The following NUP98 variants were observed in gnomAD, a reference collection of about 807,000 sequenced individuals.
The protein encoded by NUP98 is nuclear pore complex protein Nup98-Nup96.
In NUP98, 26 loss-of-function variants were observed where a neutral mutation model predicts 191.9. The observed-to-expected ratio is 0.14, with a 90% confidence interval of 0.10 to 0.19. NUP98 has a LOEUF of 0.19. NUP98 is among the 10% of genes least tolerant of loss of function. The pLI is 1.00. For synonymous variants in NUP98, 808 were observed against 778.4 expected, an observed-to-expected ratio of 1.04 and a Z score of -0.63; for missense variants, 1,941 against 2,178.8, an observed-to-expected ratio of 0.89 and a Z score of 2.17.
At chr11:3,749,739 A>T (rs114232870) in intron 11 of NUP98, among the ~76,000 whole-genome samples, 1,517 of 147,632 alleles carry the variant, frequency 0.01, 27 homozygotes, top group African/African-American at 0.036. Context: ...AATGGCAAAT[A>T]AAAAAAAAAA....
intron 18 of NUP98, among the ~76,000 whole-genome samples, chr11:3,715,549 G>A (rs764414494): frequency 2.2e-4 from 33 of 151,846 alleles, no homozygotes; most frequent in Non-Finnish European, 4.4e-4. Context: ...TTGGTCATTT[G>A]TATATCTTTG....
In NUP98 at chr11:3,723,550, C is replaced by T. The variant is rs528337396; in HGVS notation, c.1848-95G>A. 15 of 998,636 alleles carry T rather than the reference C, an allele frequency of 1.5e-5. No homozygotes were observed. In the East Asian group the frequency reaches 3.7e-4, roughly 25 times the overall value. The allele number at this position is 998,636 out of a possible 1,614,324, so 61.9% of individuals were successfully genotyped here. A position where few individuals can be genotyped will look rare whatever the true frequency, so the allele number is the denominator to read the frequency against. The stretch of plus-strand genomic sequence containing the variant: ...CCGAGCCTTTACTAAGTGCCTGGCA[C>T]TGTTCTGGATAGTTCCATGTATTAA... On this transcript the variant is annotated intron_variant, in intron 15 of 32. Coordinates refer to ENST00000324932, the MANE Select transcript of NUP98 (RefSeq NM_016320.5).
At chr11:3,734,201 A>G (rs1272858771) in intron 13 of NUP98, among the ~76,000 whole-genome samples, 2 of 152,114 alleles carry the variant, frequency 1.3e-5, no homozygotes, top group African/African-American at 4.8e-5. Context: ...ATGCCCAGCT[A>G]ATTTTTGTAT....
chr11:3,782,655 T>C (rs1187689560), intron 1 of NUP98, among the ~76,000 whole-genome samples: 1 of 149,570 alleles, frequency 6.7e-6, no homozygotes, highest in African/African-American at 2.5e-5. Context: ...GTTATTCTCC[T>C]GCCTCAGTCT....
At chr11:3,794,024 C>T (rs938514947) in intron 1 of NUP98, among the ~76,000 whole-genome samples, 6 of 152,126 alleles carry the variant, frequency 3.9e-5, no homozygotes, top group African/African-American at 1.2e-4. Context: ...AAGTAGTAGT[C>T]TCAATCAAGG....
At chr11:3,717,404 T>C (rs1352157700) in intron 18 of NUP98, among the ~76,000 whole-genome samples, 2 of 152,212 alleles carry the variant, frequency 1.3e-5, no homozygotes, top group Admixed American at 6.5e-5. Context: ...AAACAAGTCA[T>C]TTACCTCCCT....
At chr11:3,701,051 C>T (rs2078661454) in intron 23 of NUP98, among the ~76,000 whole-genome samples, 1 of 152,124 alleles carries the variant, frequency 6.6e-6, no homozygotes, top group Non-Finnish European at 1.5e-5. Flanking sequence ...ATTCAGAACA[C>T]AAAGGCTTCT....
intron 8 of NUP98, among the ~76,000 whole-genome samples, chr11:3,766,816 A>T (rs1025805273): frequency 1.3e-5 from 2 of 152,082 alleles, no homozygotes; most frequent in Admixed American, 6.6e-5. Flanking sequence ...AAAAAGTGTC[A>T]AATGTTTTTT....
At chr11:3,741,231 T>A (rs2080276638) in intron 12 of NUP98, among the ~76,000 whole-genome samples, 1 of 152,088 alleles carries the variant, frequency 6.6e-6, no homozygotes, top group Non-Finnish European at 1.5e-5. Flanking sequence ...AAAAATTTTA[T>A]CCCAACTGAG....
At chr11:3,775,820 T>G (rs778872853) in intron 5 of NUP98, 62 bp downstream of exon 5, 12 of 1,524,378 alleles carry the variant, frequency 7.9e-6, no homozygotes, top group Non-Finnish European at 1.1e-5. Flanking sequence ...TTACAATTCA[T>G]CCTGCAAAGA....
At chr11:3,676,650 C>G in intron 31 of NUP98, 30 bp from the exon 32 acceptor site, 1 of 1,526,734 alleles carries the variant, frequency 6.5e-7, no homozygotes, top group Non-Finnish European at 9.1e-7. Context: ...CCAATTAATC[C>G]AAGGGGAGTT....
At chr11:3,749,648 A>T (rs1216720267) in intron 11 of NUP98, among the ~76,000 whole-genome samples, 1 of 152,040 alleles carries the variant, frequency 6.6e-6, no homozygotes, top group Admixed American at 6.6e-5. Context: ...ATAAAATATA[A>T]ATTAACAAGA....
intron 20 of NUP98, among the ~76,000 whole-genome samples, chr11:3,709,427 G>A (rs1006295385): frequency 2.0e-5 from 3 of 151,850 alleles, no homozygotes; most frequent in Non-Finnish European, 2.9e-5. Flanking sequence ...ATTTAGGCAG[G>A]GCGCTGTGGC....
At chr11:3,756,910 ACC>A (rs1469466268) in intron 10 of NUP98, among the ~76,000 whole-genome samples, 1 of 149,588 alleles carries the variant, frequency 6.7e-6, no homozygotes, top group African/African-American at 2.5e-5. Context: ...ACATGGTGAA[ACC>A]CCGTCTCTAT....
At chr11:3,774,744 C>T (rs1047869700) in intron 5 of NUP98, among the ~76,000 whole-genome samples, 4 of 151,886 alleles carry the variant, frequency 2.6e-5, no homozygotes, top group South Asian at 2.1e-4. Context: ...TGTTTTTCCC[C>T]GATAACATTA....
intron 10 of NUP98, among the ~76,000 whole-genome samples, chr11:3,756,723 GTT>G (rs1046884698): frequency 6.6e-6 from 1 of 151,954 alleles, no homozygotes; most frequent in African/African-American, 2.4e-5. Flanking sequence ...CACTCGGCTT[GTT>G]TTTGTTTTTT....
chr11:3,736,151 T>C lies in NUP98; in HGVS notation c.1409-827A>G, dbSNP rs113283966. Among the ~76,000 whole-genome samples the C allele has an allele frequency of 2.4e-3, 370 of 152,076 alleles. 1 individual carries two copies. The highest frequency in any genetic ancestry group is 3.8e-3 in the Non-Finnish European group (258 of 67,968). Reference sequence around the variant, plus strand: ...TTCGCCATGTTGCCCAGGCTGGTCTTGAACTCCTGAAATTGAACTATCTGC... The same window carrying C: ...TTCGCCATGTTGCCCAGGCTGGTCTCGAACTCCTGAAATTGAACTATCTGC... On this transcript the variant is annotated intron_variant, in intron 12 of 32. Transcript: ENST00000324932.
chr11:3,740,507 ACT>A (rs2080241782), intron 12 of NUP98, among the ~76,000 whole-genome samples: 3 of 149,928 alleles, frequency 2.0e-5, no homozygotes, highest in South Asian at 2.1e-4. Context: ...AGAGAGCAAG[ACT>A]CTGTCTCAAA....
Position 3,709,998 on chromosome 11 carries a change from CAA to C in NUP98, c.2742+2564_2742+2565del, listed in dbSNP as rs71466124. ...TAATAATTTAAAAAAAAAAAGTTTACAAAAAAAAAAAAAAAGGCTGAGGTAAA... is the reference window on the plus strand; with the variant it reads ...TAATAATTTAAAAAAAAAAAGTTTACAAAAAAAAAAAAAGGCTGAGGTAAA... On this transcript the variant is annotated intron_variant, in intron 20 of 32. Coordinates refer to ENST00000324932, the MANE Select transcript of NUP98 (RefSeq NM_016320.5). Among the ~76,000 whole-genome samples, 303 of 94,426 alleles carry C rather than the reference CAA, an allele frequency of 3.2e-3. 3 individuals are homozygous for C. The highest frequency in any genetic ancestry group is 0.013 in the African/African-American group (285 of 22,796). 61.9% of individuals were successfully genotyped at this position (94,426 alleles called of 152,430 possible). A position where few individuals can be genotyped will look rare whatever the true frequency, so the allele number is the denominator to read the frequency against.
Sources: gnomAD v4.1 joint callset for allele counts (sites outside exome capture counted in the v4.1 genomes callset) on GRCh38, gnomAD v4.1.1 for gene constraint, MANE v1.5 for transcripts, NCBI Gene and HGNC (gene_info 2026-07-23, HGNC 2026-07-21) for gene names.